The following TULP4 variants were observed in gnomAD, a reference collection of about 807,000 sequenced individuals.
The protein encoded by TULP4 is tubby-related protein 4.
Under a neutral mutation model 129.0 loss-of-function variants are expected in TULP4, and 16 were observed. That is an observed-to-expected ratio of 0.12 (90% confidence interval 0.08 to 0.19). The LOEUF is 0.19. Ranked by LOEUF, TULP4 falls within the 10% of genes least tolerant of loss-of-function variation. The pLI is 1.00. For missense variants in TULP4, 1,842 were observed against 2,059.1 expected (o/e 0.89, Z 2.04); for synonymous variants, 998 against 854.0 (o/e 1.17, Z -2.94).
At chr6:158,330,383 T>TTAC (rs59540493) in intron 1 of TULP4, among the ~76,000 whole-genome samples, 130,832 of 152,008 alleles carry the variant, frequency 0.86, 56,736 homozygotes, top group South Asian at 0.93. Flanking sequence ...AATTTCAAAC[T>TTAC]ATAAAAATTG....
At chr6:158,486,138 C>T (rs1319200162) in intron 8 of TULP4, among the ~76,000 whole-genome samples, 2 of 152,056 alleles carry the variant, frequency 1.3e-5, no homozygotes, top group Non-Finnish European at 2.9e-5. Context: ...CTGAATTGTG[C>T]CCCCACGTCA....
intron 1 of TULP4, among the ~76,000 whole-genome samples, chr6:158,369,792 G>A (rs1777032684): frequency 1.3e-5 from 2 of 152,150 alleles, no homozygotes; most frequent in South Asian, 4.1e-4. Context: ...TCTGGGAAGA[G>A]AACTAGGTGG....
intron 1 of TULP4, among the ~76,000 whole-genome samples, chr6:158,233,066 ACTT>A (rs1022364438): frequency 1.3e-5 from 2 of 152,114 alleles, no homozygotes; most frequent in African/African-American, 4.8e-5. Flanking sequence ...GGAGGTGTCT[ACTT>A]CTTCCTGTGG....
upstream of TULP4, among the ~76,000 whole-genome samples, chr6:158,308,760 G>C (rs1451444729): frequency 7.0e-6 from 1 of 143,842 alleles, no homozygotes; most frequent in Non-Finnish European, 1.5e-5. Flanking sequence ...GCGGGGGGCT[G>C]ACCCCCCCAC....
At chr6:158,258,798 T>G (rs2162357) in intron 1 of TULP4, among the ~76,000 whole-genome samples, 49,796 of 151,926 alleles carry the variant, frequency 0.33, 9,100 homozygotes, top group Admixed American at 0.44. Flanking sequence ...TAAAATCAAA[T>G]TTCTTTTTTA....
intron 12 of TULP4, among the ~76,000 whole-genome samples, chr6:158,501,208 C>T (rs942424584): frequency 6.6e-6 from 1 of 152,174 alleles, no homozygotes; most frequent in Non-Finnish European, 1.5e-5. Flanking sequence ...TTCTTATACA[C>T]ATCTGTTGCA....
intron 1 of TULP4, among the ~76,000 whole-genome samples, chr6:158,346,815 C>CG (rs1780324036): frequency 5.2e-5 from 1 of 19,406 alleles, no homozygotes; most frequent in African/African-American, 1.5e-4. Flanking sequence ...TTCCTCATGA[C>CG]TTGATGATGA....
chr6:158,294,225 G>A (rs9457302), intron 1 of TULP4, among the ~76,000 whole-genome samples: 26,224 of 151,922 alleles, frequency 0.17, 2,698 homozygotes, highest in Middle Eastern at 0.24. Context: ...TTAGCTGGGC[G>A]TGGTGGTGGG....
rs1562584470 is a variant in TULP4, at chr6:158,481,039, T to C, written c.1252-16T>C. ...TCTGGAGTCCCAGCTCTTCATTTTCTTCCTGTATCCTCCAGCCCCCAATTC... is the reference window on the plus strand; with the variant it reads ...TCTGGAGTCCCAGCTCTTCATTTTCCTCCTGTATCCTCCAGCCCCCAATTC... On this transcript the variant is annotated splice_polypyrimidine_tract_variant and intron_variant, in intron 7 of 13. Transcript: ENST00000367097. The C allele has an allele frequency of 6.5e-7, 1 of 1,541,346 alleles. No homozygotes were observed. The highest frequency in any genetic ancestry group is 8.8e-7 in the Non-Finnish European group (1 of 1,142,752).
chr6:158,502,525 C>T lies in TULP4; in HGVS notation c.2862C>T (p.Pro954=). 6.2e-7 allele frequency: 1 copy of T among 1,611,418 alleles called. No individual in the cohort carries two copies. The highest frequency in any genetic ancestry group is 8.5e-7 in the Non-Finnish European group (1 of 1,179,920). The change falls in exon 13 of 14, where the codon CCC becomes CCT. Residue 954 remains proline, a synonymous_variant. Coordinates refer to ENST00000367097, the MANE Select transcript of TULP4 (RefSeq NM_020245.5). ...TGACCGTCCCTCGCTACTCCATCCC[C>T]ACCGGGGACCCACCCCCGTATCCTG... The part of the protein sequence containing the change: ...NRLTVPRYSI[P]TGDPPPYPEI...
At chr6:158,314,339 C>T (rs1179927344) in intron 1 of TULP4, 71 bp downstream of exon 1, 1 of 1,544,266 alleles carries the variant, frequency 6.5e-7, no homozygotes, top group Non-Finnish European at 8.7e-7. Context: ...GGACTTGAAA[C>T]TTCCTTCATT....
chr6:158,401,142 C>T (rs551691780), intron 1 of TULP4, among the ~76,000 whole-genome samples: 7 of 152,078 alleles, frequency 4.6e-5, no homozygotes, highest in Non-Finnish European at 8.8e-5. Context: ...GGCATGATCA[C>T]GGCTCACTGC....
At chr6:158,454,923 C>T (rs537892337) in intron 5 of TULP4, among the ~76,000 whole-genome samples, 121 of 151,806 alleles carry the variant, frequency 8.0e-4, no homozygotes, top group African/African-American at 2.2e-3. Flanking sequence ...GCACTTCTAA[C>T]GTTTTGCAAC....
intron 1 of TULP4, among the ~76,000 whole-genome samples, chr6:158,331,728 CAT>C (rs1425066497): frequency 0.015 from 576 of 37,610 alleles, 155 homozygotes; most frequent in African/African-American, 0.047. Context: ...CACACACACA[CAT>C]ACGTATATAT....
At chr6:158,463,524 AT>A (rs1462871768) in intron 6 of TULP4, among the ~76,000 whole-genome samples, 1 of 151,978 alleles carries the variant, frequency 6.6e-6, no homozygotes, top group Non-Finnish European at 1.5e-5. Context: ...GAGGGATAGC[AT>A]TTAGGAGATA....
rs1022043637 is a variant in TULP4 at position 158,312,925 on chromosome 6, C to G, written c.-1092C>G. ...TGCTTTTGTTTTAAGGGATTAACTT[C>G]CCTGTCAAGTCCAAGAAGACTTGCG... On this transcript the variant is annotated 5_prime_UTR_variant, in exon 1 of 14. Coordinates refer to ENST00000367097, the MANE Select transcript of TULP4 (RefSeq NM_020245.5). The G allele has an allele frequency of 2.6e-5, 4 of 152,174 alleles. No homozygotes were observed. Among genetic ancestry groups the G allele is most frequent in the African/African-American group, 7.2e-5 (3 of 41,418 alleles). The allele number at this position is 152,174 out of a possible 1,614,324, so 9.4% of individuals were successfully genotyped here. A position where few individuals can be genotyped will look rare whatever the true frequency, so the allele number is the denominator to read the frequency against.
chr6:158,248,950 T>G (rs560066026), intron 1 of TULP4, among the ~76,000 whole-genome samples: 1 of 151,890 alleles, frequency 6.6e-6, no homozygotes, highest in Non-Finnish European at 1.5e-5. Flanking sequence ...CTAGACCTAC[T>G]TCATCACTGC....
chr6:158,506,519 C>G, intron 13 of TULP4, 59 bp from the exon 14 acceptor site: 1 of 1,181,868 alleles, frequency 8.5e-7, no homozygotes. Flanking sequence ...GCGTGAGCCA[C>G]TGCGCCTGGC....
chr6:158,394,289 T>C (rs1777655865), intron 1 of TULP4, among the ~76,000 whole-genome samples: 1 of 152,200 alleles, frequency 6.6e-6, no homozygotes, highest in African/African-American at 2.4e-5. Context: ...ATCAGCATTT[T>C]GGTTAAAACT....
Sources: gnomAD v4.1 joint callset for allele counts (sites outside exome capture counted in the v4.1 genomes callset) on GRCh38, gnomAD v4.1.1 for gene constraint, MANE v1.5 for transcripts, NCBI Gene and HGNC (gene_info 2026-07-23, HGNC 2026-07-21) for gene names.